The following EGLN1 variants were observed in gnomAD, a reference collection of about 807,000 sequenced individuals.
The protein encoded by EGLN1 is egl-9 family hypoxia inducible factor 1.
In EGLN1, 17 loss-of-function variants were observed where a neutral mutation model predicts 38.3. The ratio of observed to expected loss-of-function variants is 0.44; its 90% confidence interval spans 0.30 to 0.67. The LOEUF (loss-of-function observed/expected upper bound fraction) is 0.67, where lower values mean the gene tolerates loss of function less well. Ranked by LOEUF, EGLN1 falls within the 30% of genes least tolerant of loss-of-function variation. The pLI, the probability that EGLN1 is intolerant of heterozygous loss-of-function variation, is 0.08. For missense variants in EGLN1, 477 were observed against 603.3 expected (o/e 0.79, Z 2.19); for synonymous variants, 283 against 257.5 (o/e 1.10, Z -0.95).
At chr1:231,403,597 C>T (rs1688714711) in intron 1 of EGLN1, among the ~76,000 whole-genome samples, 1 of 151,350 alleles carries the variant, frequency 6.6e-6, no homozygotes, top group Admixed American at 6.6e-5. Context: ...ATGGCGAAAC[C>T]CTGTCTCTAC....
chr1:231,392,952 G>T (rs1408646255), intron 1 of EGLN1, among the ~76,000 whole-genome samples: 8 of 152,156 alleles, frequency 5.3e-5, no homozygotes, highest in African/African-American at 1.9e-4. Flanking sequence ...TACCCTCCAG[G>T]GTGGACATGT....
In EGLN1 at chr1:231,391,786, T is replaced by C. The variant is rs191124262; in HGVS notation, c.892-17687A>G. Among the ~76,000 whole-genome samples the C allele has an allele frequency of 2.0e-3, 309 of 152,246 alleles. 3 individuals carry two copies. The highest frequency in any genetic ancestry group is 7.2e-3 in the African/African-American group (298 of 41,548). ...TTAGCTTTTTATAAAAAAGCGTTTA[T>C]AGAAATACTAGATAAGATTTTGAAA... On this transcript the variant is annotated intron_variant, in intron 1 of 4. Transcript: ENST00000366641.
intron 1 of EGLN1, among the ~76,000 whole-genome samples, chr1:231,393,151 T>C (rs1688436647): frequency 7.4e-6 from 1 of 134,812 alleles, no homozygotes; most frequent in South Asian, 2.5e-4. Context: ...AGAGAATAAC[T>C]AATATAGAAA....
intron 1 of EGLN1, among the ~76,000 whole-genome samples, chr1:231,386,138 G>GT (rs1688199286): frequency 1.3e-5 from 2 of 151,488 alleles, no homozygotes; most frequent in East Asian, 1.9e-4. Context: ...CAATAATAGC[G>GT]TAACTCCCTT....
chr1:231,401,997 T>G (rs1448376321), intron 1 of EGLN1, among the ~76,000 whole-genome samples: 3 of 152,192 alleles, frequency 2.0e-5, no homozygotes, highest in Non-Finnish European at 4.4e-5. Context: ...ATATTTAATT[T>G]TAGCCATTCT....
intron 3 of EGLN1, 128 bp downstream of exon 3, chr1:231,370,434 T>C: frequency 1.0e-6 from 1 of 984,126 alleles, no homozygotes; most frequent in Non-Finnish European, 1.6e-6. Context: ...ATACAATTAT[T>C]CAAATTAAAA....
chr1:231,366,685 T>C (rs950239984), intron 4 of EGLN1, among the ~76,000 whole-genome samples: 9 of 152,116 alleles, frequency 5.9e-5, no homozygotes, highest in Non-Finnish European at 1.3e-4. Context: ...GATAAAACCA[T>C]CCTCTACACA....
intron 1 of EGLN1, among the ~76,000 whole-genome samples, chr1:231,377,600 GGA>G (rs1403352161): frequency 6.6e-6 from 1 of 152,210 alleles, no homozygotes; most frequent in East Asian, 1.9e-4. Context: ...GCATCGGGTA[GGA>G]GAGGAGTTTA....
At chr1:231,417,313 T>A (rs2102943013) in intron 1 of EGLN1, among the ~76,000 whole-genome samples, 1 of 152,336 alleles carries the variant, frequency 6.6e-6, no homozygotes, top group South Asian at 2.1e-4. Context: ...TCTTTATGTA[T>A]GTTTTAACGG....
At chr1:231,415,490 A>T (rs1361597785) in intron 1 of EGLN1, among the ~76,000 whole-genome samples, 4 of 152,120 alleles carry the variant, frequency 2.6e-5, no homozygotes, top group Non-Finnish European at 5.9e-5. Context: ...GTGGTTAGGT[A>T]AAAAAATGGG....
In EGLN1 at chr1:231,421,459, G is replaced by A; in HGVS notation, c.430C>T (p.Pro144Ser). Residue 144 changes from proline (P) to serine (S), a missense_variant, in exon 1 of 5, where the codon CCC (proline) becomes TCC (serine). By Grantham distance (74) the Pro-to-Ser change is moderately conservative (BLOSUM62 -1). Coordinates refer to ENST00000366641, the MANE Select transcript of EGLN1 (RefSeq NM_022051.3). The surrounding 1 kb of genome is among the most constrained non-coding windows in gnomAD (Gnocchi z 5.5). ...QGSAVAAEAE[P>S]GKEEPPARSS... ...CGGGCCGGCGGCTCCTCCTTGCCGG[G>A]CTCGGCTTCGGCAGCCACCGCCGAG... 2.7e-6 allele frequency: 4 copies of A among 1,472,262 alleles called. No individual in the cohort carries two copies. Among genetic ancestry groups the A allele is most frequent in the Non-Finnish European group, 3.6e-6 (4 of 1,111,588 alleles). 91.2% of individuals were successfully genotyped at this position (1,472,262 alleles called of 1,614,324 possible).
intron 4 of EGLN1, among the ~76,000 whole-genome samples, 160 bp from the exon 5 acceptor site, chr1:231,366,635 C>T (rs1687655462): frequency 6.6e-6 from 1 of 152,200 alleles, no homozygotes; most frequent in South Asian, 2.1e-4. Context: ...CTTCCCTCAG[C>T]ATTCTATTGT....
chr1:231,367,722 A>G (rs1012028181), intron 3 of EGLN1, 86 bp from the exon 4 acceptor site: 15 of 1,156,598 alleles, frequency 1.3e-5, no homozygotes, highest in Admixed American at 1.7e-5. Flanking sequence ...TAAAACTTGT[A>G]ATGCCAAAAT....
At chr1:231,392,122 C>T (rs1414932990) in intron 1 of EGLN1, among the ~76,000 whole-genome samples, 1 of 152,004 alleles carries the variant, frequency 6.6e-6, no homozygotes, top group East Asian at 1.9e-4. Flanking sequence ...TCCGTCTCTA[C>T]TAAAAATACA....
At chr1:231,391,469 T>C (rs1188905239) in intron 1 of EGLN1, among the ~76,000 whole-genome samples, 3 of 34,654 alleles carry the variant, frequency 8.7e-5, no homozygotes, top group African/African-American at 1.5e-4. Context: ...CCTGCACTGC[T>C]TCCTTTATGA....
At chr1:231,415,742 G>A (rs752930984) in intron 1 of EGLN1, among the ~76,000 whole-genome samples, 8 of 152,116 alleles carry the variant, frequency 5.3e-5, no homozygotes, top group East Asian at 1.9e-4. Context: ...TTTTATAAAC[G>A]GAGCAACTGA....
At position 231,372,932 on chromosome 1, in the gene EGLN1, T is replaced by C. The variant is rs191269657; in HGVS notation, c.1011+1048A>G. ...TTAAAAACAACAAAAAAAGGCACCC[T>C]GGCTACACAGGTATGTTCACTTTGT... On this transcript the variant is annotated intron_variant, in intron 2 of 4. Transcript: ENST00000366641. Among the ~76,000 whole-genome samples the C allele has an allele frequency of 1.4e-3, 213 of 152,240 alleles. 2 individuals are homozygous for C. Among genetic ancestry groups the C allele is most frequent in the African/African-American group, 4.6e-3 (192 of 41,540 alleles).
In EGLN1 at chr1:231,410,319, A is replaced by C. The variant is rs544952287; in HGVS notation, c.891+10679T>G. On this transcript the variant is annotated intron_variant, in intron 1 of 4. Coordinates refer to ENST00000366641, the MANE Select transcript of EGLN1 (RefSeq NM_022051.3). ...TGTTAGGGAAGCCCACGTGGCAAGA[A>C]ACTGAAGCCCTCAGTCCAACAACCT... Among the ~76,000 whole-genome samples, 3 of 152,332 alleles carry C rather than the reference A, an allele frequency of 2.0e-5. No homozygotes were observed. The East Asian group carries it at 5.8e-4, about 29-fold the overall frequency.
chr1:231,421,579 A>C lies in EGLN1; in HGVS notation c.310T>G (p.Ser104Ala). ...ACTTTTCCCTTGGCCGCGTCCCCGG[A>C]GGCGTTGTCCCGGCGCGCCGCTGCC... The part of the protein sequence containing the change: ...RKAAARRDNA[S>A]GDAAKGKVKA... The change falls in exon 1 of 5, where the codon TCC (serine) becomes GCC (alanine). Residue 104 changes from serine to alanine, a missense_variant. This residue lies in a region of EGLN1 where 298 missense variants were observed against 288.9 expected (regional missense o/e 1.03). Transcript: ENST00000366641. The surrounding 1 kb of genome is among the most constrained non-coding windows in gnomAD (Gnocchi z 5.5). 1 of 1,311,792 alleles carries C rather than the reference A, an allele frequency of 7.6e-7. No individual in the cohort carries two copies. The highest frequency in any genetic ancestry group is 3.2e-5 in the East Asian group (1 of 31,684). The allele number at this position is 1,311,792 out of a possible 1,614,324, so 81.3% of individuals were successfully genotyped here. A position where few individuals can be genotyped will look rare whatever the true frequency, so the allele number is the denominator to read the frequency against.
Sources: gnomAD v4.1 joint callset for allele counts (sites outside exome capture counted in the v4.1 genomes callset) on GRCh38, gnomAD v4.1.1 for gene constraint, gnomAD v4.1.1 regional missense constraint, Gnocchi (gnomAD v3.1) non-coding constraint, MANE v1.5 for transcripts, NCBI Gene and HGNC (gene_info 2026-07-23, HGNC 2026-07-21) for gene names.